Variants in NAV3 observed in about 807,000 individuals in gnomAD.
The protein encoded by NAV3 is pore membrane and/or filament interacting like protein 1.
A neutral mutation model predicts 244.7 loss-of-function variants in NAV3; 87 were observed. The observed-to-expected ratio is 0.36, with a 90% CI of 0.30 to 0.42. NAV3 has a LOEUF of 0.42. Ranked by LOEUF, NAV3 falls within the 20% of genes least tolerant of loss-of-function variation. NAV3 has a pLI of 1.00. For synonymous variants in NAV3, 1,126 were observed against 1,042.2 expected, an observed-to-expected ratio of 1.08 and a Z score of -1.55; for missense variants, 2,663 against 2,893.3, an observed-to-expected ratio of 0.92 and a Z score of 1.83.
Position 78,177,163 on chromosome 12 carries a change from C to A in NAV3, c.5147C>A (p.Ala1716Asp), listed in dbSNP as rs780549641. 4 of 1,613,250 alleles carry A rather than the reference C, an allele frequency of 2.5e-6. No individual in the cohort carries two copies. Among genetic ancestry groups the A allele is most frequent in the South Asian group, 1.1e-5 (1 of 91,034 alleles). The change falls in exon 27 of 40, where the codon GCC (alanine) becomes GAC (aspartate). Residue 1716 changes from alanine (A) to aspartate (D), a missense_variant. By Grantham distance (126) the Ala-to-Asp change is moderately radical. This residue lies in a region of NAV3 where 193 missense variants were observed against 200.7 expected (regional missense o/e 0.96). Coordinates refer to ENST00000397909, the MANE Select transcript of NAV3 (RefSeq NM_001024383.2). ...CAGCTGAGAAGTTCTTTCAAACAAG[C>A]CTTTGGGAAGAAAAAGTCCACCAAG... ...GSELRSSFKQ[A>D]FGKKKSTKPP...
intron 12 of NAV3, among the ~76,000 whole-genome samples, chr12:78,074,220 A>AAC (rs559753281): frequency 4.6e-4 from 70 of 152,332 alleles, no homozygotes; most frequent in Non-Finnish European, 5.0e-4. Context: ...CAAATAGTAG[A>AAC]ACACAGTGCC....
chr12:78,106,685 G>T (rs1954819936), intron 12 of NAV3, among the ~76,000 whole-genome samples: 1 of 152,142 alleles, frequency 6.6e-6, no homozygotes, highest in Non-Finnish European at 1.5e-5. Context: ...CTGCCCAGAA[G>T]CCAGAGAAAC....
chr12:78,191,358 C>T (rs1958971158), intron 34 of NAV3, among the ~76,000 whole-genome samples: 1 of 152,010 alleles, frequency 6.6e-6, no homozygotes, highest in African/African-American at 2.4e-5. Flanking sequence ...ATAAGAGTTG[C>T]TTGCAATTTT....
chr12:78,205,624 G>A (rs1316404244), intron 39 of NAV3, among the ~76,000 whole-genome samples: 1 of 151,910 alleles, frequency 6.6e-6, no homozygotes, highest in Non-Finnish European at 1.5e-5. Context: ...GAAGTCAAAT[G>A]GAAGTTATGG....
chr12:78,086,798 T>A (rs1255230914), intron 12 of NAV3, among the ~76,000 whole-genome samples: 1 of 152,044 alleles, frequency 6.6e-6, no homozygotes, highest in East Asian at 1.9e-4. Flanking sequence ...TCCTCTATGA[T>A]CACTTCTTTC....
intron 1 of NAV3, among the ~76,000 whole-genome samples, chr12:77,939,850 G>A (rs542090423): frequency 6.6e-6 from 1 of 152,098 alleles, no homozygotes; most frequent in Non-Finnish European, 1.5e-5. Flanking sequence ...CTCATAAAAT[G>A]ATGCCAAAAT....
chr12:78,103,233 G>A (rs1284753757), intron 12 of NAV3, among the ~76,000 whole-genome samples: 5 of 152,048 alleles, frequency 3.3e-5, no homozygotes, highest in Non-Finnish European at 7.4e-5. Context: ...TCTCTCTCAA[G>A]TTCAGAGTTC....
intron 9 of NAV3, among the ~76,000 whole-genome samples, chr12:78,022,982 T>C (rs1383274558): frequency 6.6e-6 from 1 of 152,196 alleles, no homozygotes; most frequent in Non-Finnish European, 1.5e-5. Context: ...GGGCTAATAA[T>C]TGTAGATTTT....
In NAV3 at chr12:78,138,822, G is replaced by A. The variant is rs148005391; in HGVS notation, c.4630+1457G>A. 3.7e-3 allele frequency among the ~76,000 whole-genome samples: 561 copies of A among 152,250 alleles called. 1 individual carries two copies. The highest frequency in any genetic ancestry group is 0.012 in the African/African-American group (519 of 41,560). On this transcript the variant is annotated intron_variant, in intron 19 of 39. Transcript: ENST00000397909. The stretch of plus-strand genomic sequence containing the variant: ...TGAATTTCTGAAAGCTAGCCTAAGT[G>A]GGCAAGATGGCTTTTTTGTGCTCAC...
At chr12:78,177,032 C>T (rs1165379990) in intron 26 of NAV3, 109 bp from the exon 27 acceptor site, 5 of 1,012,086 alleles carry the variant, frequency 4.9e-6, no homozygotes, top group South Asian at 1.4e-5. Flanking sequence ...TCTGCTTGTA[C>T]ATACTGACCC....
intron 18 of NAV3, 145 bp from the exon 19 acceptor site, chr12:78,137,032 C>T (rs918590246): frequency 3.6e-5 from 24 of 670,086 alleles, no homozygotes; most frequent in Admixed American, 3.3e-4. Context: ...TTGAACATTT[C>T]AGAGGCAGAC....
chr12:78,157,316 A>G (rs1957344796), intron 22 of NAV3, among the ~76,000 whole-genome samples: 1 of 151,500 alleles, frequency 6.6e-6, no homozygotes, highest in South Asian at 2.1e-4. Context: ...TGCGGGGCCA[A>G]GGTGGGAAGA....
intron 2 of NAV3, among the ~76,000 whole-genome samples, chr12:77,579,612 A>G (rs1371871402): frequency 6.6e-6 from 1 of 152,216 alleles, no homozygotes; most frequent in Non-Finnish European, 1.5e-5. Context: ...CCACCTCTTA[A>G]TACTGTAATA....
chr12:77,759,238 A>T (rs1256610296), intron 2 of NAV3, among the ~76,000 whole-genome samples: 3 of 152,212 alleles, frequency 2.0e-5, no homozygotes, highest in Non-Finnish European at 2.9e-5. Flanking sequence ...CATAACTGTT[A>T]TTTATTGAGA....
At chr12:78,049,239 A>G (rs554559005) in intron 9 of NAV3, among the ~76,000 whole-genome samples, 9 of 151,904 alleles carry the variant, frequency 5.9e-5, no homozygotes, top group Non-Finnish European at 1.2e-4. Context: ...GTTCTGTCTC[A>G]CTGGCATTCC....
At chr12:78,196,070 G>A (rs1040711425) in intron 34 of NAV3, among the ~76,000 whole-genome samples, 5 of 151,928 alleles carry the variant, frequency 3.3e-5, no homozygotes, top group African/African-American at 4.8e-5. Context: ...TTTTATAAAC[G>A]AATGAATGAC....
Position 78,194,605 on chromosome 12 carries a change from A to G in NAV3, c.6292-2642A>G, listed in dbSNP as rs546599829. ...TTTCAATATGCTCACCACATGTTAA[A>G]TCACCATTGTGACTACTTACTCAGG... On this transcript the variant is annotated intron_variant, in intron 34 of 39. Coordinates refer to ENST00000397909, the MANE Select transcript of NAV3 (RefSeq NM_001024383.2). Among the ~76,000 whole-genome samples the G allele has an allele frequency of 4.6e-5, 7 of 152,166 alleles. No individual in the cohort carries two copies. The South Asian group carries it at 1.5e-3, about 32-fold the overall frequency.
chr12:78,142,284 A>C (rs1412891367), intron 20 of NAV3, among the ~76,000 whole-genome samples: 1 of 152,050 alleles, frequency 6.6e-6, no homozygotes, highest in African/African-American at 2.4e-5. Context: ...TTTATTCCTC[A>C]AGAAAAGGAT....
intron 8 of NAV3, among the ~76,000 whole-genome samples, chr12:78,008,762 A>G (rs760555320): frequency 6.6e-6 from 1 of 152,166 alleles, no homozygotes; most frequent in Non-Finnish European, 1.5e-5. Context: ...GGACATTACA[A>G]TTGAATGTTG....
Sources: gnomAD v4.1 joint callset for allele counts (sites outside exome capture counted in the v4.1 genomes callset) on GRCh38, gnomAD v4.1.1 for gene constraint, gnomAD v4.1.1 regional missense constraint, MANE v1.5 for transcripts, NCBI Gene and HGNC (gene_info 2026-07-23, HGNC 2026-07-21) for gene names.